TEX2: variants seen among roughly 807,000 people sequenced by gnomAD.
The protein encoded by TEX2 is testis-expressed protein 2.
TEX2 carries 53 observed loss-of-function variants against 106.9 expected under a neutral mutation model. The observed-to-expected ratio is 0.50, with a 90% CI of 0.40 to 0.62. The LOEUF (loss-of-function observed/expected upper bound fraction) is 0.62, where lower values mean the gene tolerates loss of function less well. Among genes scored for constraint, TEX2 ranks in the 20% least tolerant of loss-of-function variants. TEX2 has a pLI of 0.00. For missense variants in TEX2, 1,207 were observed against 1,379.0 expected, an observed-to-expected ratio of 0.88 and a Z score of 1.98; for synonymous variants, 523 against 534.8, an observed-to-expected ratio of 0.98 and a Z score of 0.30.
At chr17:64,226,927 A>C (rs943853486) in intron 1 of TEX2, among the ~76,000 whole-genome samples, 4 of 152,086 alleles carry the variant, frequency 2.6e-5, no homozygotes, top group African/African-American at 9.7e-5. Flanking sequence ...CAACACATAG[A>C]CATCAGAAAA....
At chr17:64,171,510 G>A (rs982695077) in intron 6 of TEX2, among the ~76,000 whole-genome samples, 1 of 152,032 alleles carries the variant, frequency 6.6e-6, no homozygotes, top group South Asian at 2.1e-4. Flanking sequence ...TGGGCAGAGG[G>A]AACACGGGGG....
At chr17:64,158,495 G>A (rs2030734548) in intron 8 of TEX2, among the ~76,000 whole-genome samples, 1 of 152,188 alleles carries the variant, frequency 6.6e-6, no homozygotes, top group African/African-American at 2.4e-5. Context: ...TGCTTTGGAG[G>A]TTTAATATTA....
intron 1 of TEX2, among the ~76,000 whole-genome samples, chr17:64,259,210 C>T (rs924811003): frequency 6.6e-6 from 1 of 152,202 alleles, no homozygotes; most frequent in Non-Finnish European, 1.5e-5. Flanking sequence ...CTGTAGCCTT[C>T]TGACTCCAAG....
intron 1 of TEX2, among the ~76,000 whole-genome samples, chr17:64,236,366 C>A (rs1285476359): frequency 1.3e-5 from 2 of 152,094 alleles, no homozygotes; most frequent in African/African-American, 2.4e-5. Flanking sequence ...GAATTTGAGA[C>A]CAGCCTGAGC....
intron 1 of TEX2, among the ~76,000 whole-genome samples, chr17:64,235,458 A>C (rs1421401898): frequency 6.6e-6 from 1 of 152,182 alleles, no homozygotes; most frequent in Non-Finnish European, 1.5e-5. Context: ...CTTTCACCCT[A>C]TCTACCCAGG....
intron 8 of TEX2, among the ~76,000 whole-genome samples, chr17:64,159,906 A>G (rs1166916437): frequency 2.6e-5 from 4 of 152,268 alleles, no homozygotes; most frequent in South Asian, 2.1e-4. Flanking sequence ...AGCTCCCCCA[A>G]TCTGCTACTA....
chr17:64,154,710 A>C, intron 9 of TEX2, 132 bp downstream of exon 9: 1 of 1,161,062 alleles, frequency 8.6e-7, no homozygotes, highest in Non-Finnish European at 1.2e-6. Context: ...CTGGGATATT[A>C]ATAAAAAAAC....
At chr17:64,161,691 A>G (rs1053257816) in intron 7 of TEX2, among the ~76,000 whole-genome samples, 2 of 152,096 alleles carry the variant, frequency 1.3e-5, no homozygotes, top group African/African-American at 2.4e-5. Flanking sequence ...TCAGTGGTTT[A>G]AAATGCAAAC....
At chr17:64,246,963 G>T (rs1555636357) in intron 1 of TEX2, among the ~76,000 whole-genome samples, 1 of 152,088 alleles carries the variant, frequency 6.6e-6, no homozygotes, top group Non-Finnish European at 1.5e-5. Flanking sequence ...GATTATTCAG[G>T]ATACAGAAAA....
chr17:64,255,179 A>C (rs2034162327), intron 1 of TEX2, among the ~76,000 whole-genome samples: 1 of 152,010 alleles, frequency 6.6e-6, no homozygotes, highest in Non-Finnish European at 1.5e-5. Flanking sequence ...AAAAAAAAAA[A>C]TGTACCTTGC....
rs532727178 is a variant in TEX2 at position 64,219,907 on chromosome 17, A to C, written c.-25-5665T>G. 1.1e-4 allele frequency among the ~76,000 whole-genome samples: 17 copies of C among 152,338 alleles called. No homozygotes were observed. The East Asian group carries it at 1.7e-3, about 16-fold the overall frequency. ...CTGTGAATCTGTTACTTCCCATGGC[A>C]ACAGAGATTTTGCAGATATGATTGA... On this transcript the variant is annotated intron_variant, in intron 1 of 11. Coordinates refer to ENST00000584379, the MANE Select transcript of TEX2 (RefSeq NM_001288732.2).
chr17:64,227,638 ATG>A (rs2033543569), intron 1 of TEX2, among the ~76,000 whole-genome samples: 1 of 152,208 alleles, frequency 6.6e-6, no homozygotes, highest in African/African-American at 2.4e-5. Flanking sequence ...GACACACTGT[ATG>A]TATGTATGTA....
intron 2 of TEX2, among the ~76,000 whole-genome samples, chr17:64,208,493 C>A (rs1373911103): frequency 6.6e-6 from 1 of 151,726 alleles, no homozygotes; most frequent in Non-Finnish European, 1.5e-5. Context: ...TCTGCCTTGG[C>A]CTTCCAAAGT....
At chr17:64,188,048 T>TC in intron 5 of TEX2, 120 bp downstream of exon 5, 1 of 1,193,964 alleles carries the variant, frequency 8.4e-7, no homozygotes, top group South Asian at 1.5e-5. Context: ...GCAGGGTCCT[T>TC]CTCTGTCTTG....
chr17:64,214,060 C>A lies in TEX2; in HGVS notation c.158G>T (p.Arg53Met). The A allele has an allele frequency of 6.2e-7, 1 of 1,614,184 alleles. No individual in the cohort carries two copies. The highest frequency in any genetic ancestry group is 8.5e-7 in the Non-Finnish European group (1 of 1,180,022). Residue 53 changes from arginine to methionine, a missense_variant, in exon 2 of 12, where the codon AGG becomes ATG. By Grantham distance (91) the Arg-to-Met change is moderately conservative. Transcript: ENST00000584379. ...ATCCAGCCCCTCCTCAAAGTACTCC[C>A]TGAACTCCTCCTCCTCTTCCTCCTC... ...EEEEEEEEEF[R>M]EYFEEGLDDQ... is the part of the protein sequence containing the mutation.
intron 1 of TEX2, among the ~76,000 whole-genome samples, chr17:64,262,065 C>G (rs1555638633): frequency 6.6e-6 from 1 of 152,230 alleles, no homozygotes; most frequent in African/African-American, 2.4e-5. Flanking sequence ...CCTGAAATGA[C>G]TCCTCTGAAT....
At chr17:64,239,363 A>C (rs2033835569) in intron 1 of TEX2, 1 of 152,216 alleles carries the variant, frequency 6.6e-6, no homozygotes, top group Non-Finnish European at 1.5e-5. Flanking sequence ...TTCTTAAAAG[A>C]GTTTTACCTA....
chr17:64,178,372 G>A (rs9908036), intron 5 of TEX2, among the ~76,000 whole-genome samples: 108,244 of 152,058 alleles, frequency 0.71, 38,628 homozygotes, highest in East Asian at 0.83. Flanking sequence ...CGGGCTGAGA[G>A]CTCAGTAATG....
At chr17:64,180,404 G>A (rs1379089116) in intron 5 of TEX2, among the ~76,000 whole-genome samples, 1 of 152,188 alleles carries the variant, frequency 6.6e-6, no homozygotes, top group African/African-American at 2.4e-5. Flanking sequence ...TAACCGACAA[G>A]CAGGTTGTTT....
Sources: gnomAD v4.1 joint callset for allele counts (sites outside exome capture counted in the v4.1 genomes callset) on GRCh38, gnomAD v4.1.1 for gene constraint, MANE v1.5 for transcripts, NCBI Gene and HGNC (gene_info 2026-07-23, HGNC 2026-07-21) for gene names.